Variants in PDZD2 observed in about 807,000 individuals in gnomAD.
PDZD2 encodes the protein PDZ domain-containing protein 2.
PDZD2 carries 90 observed loss-of-function variants against 220.7 expected under a neutral mutation model. The observed-to-expected ratio is 0.41, with a 90% CI of 0.34 to 0.49. The LOEUF is 0.49. PDZD2 is among the 20% of genes least tolerant of loss of function. The pLI, the probability that PDZD2 is intolerant of heterozygous loss-of-function variation, is 0.28. For missense variants in PDZD2, 3,174 were observed against 3,608.5 expected (o/e 0.88, Z 3.08); for synonymous variants, 1,375 against 1,450.5 (o/e 0.95, Z 1.18).
At chr5:31,858,771 T>G (rs189220781) in intron 2 of PDZD2, among the ~76,000 whole-genome samples, 1 of 148,012 alleles carries the variant, frequency 6.8e-6, no homozygotes, top group Non-Finnish European at 1.5e-5. Flanking sequence ...CAGGCTGGAG[T>G]GTAGTGGCAT....
chr5:32,105,846 T>A (rs1355432519), intron 24 of PDZD2, among the ~76,000 whole-genome samples: 1 of 152,212 alleles, frequency 6.6e-6, no homozygotes, highest in Non-Finnish European at 1.5e-5. Flanking sequence ...TAATAGGAAA[T>A]CCAAAATAGC....
chr5:31,705,211 T>C (rs10041301), intron 1 of PDZD2, among the ~76,000 whole-genome samples: 720 of 14,552 alleles, frequency 0.049, 13 homozygotes, highest in African/African-American at 0.28. Context: ...CACACACACA[T>C]ACACACTCAC....
chr5:32,087,997 A>C lies in PDZD2; in HGVS notation c.4549A>C (p.Lys1517Gln). ...TCCCGACAAACATTTTACTGTGAACAAAAACTTTCTGAGCAACTACTCTAG... is the reference window on the plus strand; with the variant it reads ...TCCCGACAAACATTTTACTGTGAACCAAAACTTTCTGAGCAACTACTCTAG... The part of the protein sequence containing the change: ...INPDKHFTVN[K>Q]NFLSNYSRNF... The change falls in exon 20 of 25, where the codon AAA becomes CAA. Residue 1517 changes from lysine to glutamine, a missense_variant. Lys to Gln is a moderately conservative substitution (Grantham distance 53). Coordinates refer to ENST00000438447, the MANE Select transcript of PDZD2 (RefSeq NM_178140.4). The surrounding 1 kb of genome is among the most constrained non-coding windows in gnomAD (Gnocchi z 4.0). 1 of 1,614,226 alleles carries C rather than the reference A, an allele frequency of 6.2e-7. No individual in the cohort carries two copies. The highest frequency in any genetic ancestry group is 8.5e-7 in the Non-Finnish European group (1 of 1,180,026).
At chr5:31,975,792 A>ATTT (rs1561237947) in intron 2 of PDZD2, among the ~76,000 whole-genome samples, 1 of 61,404 alleles carries the variant, frequency 1.6e-5, no homozygotes, top group Non-Finnish European at 3.2e-5. Flanking sequence ...GGTATCAGTC[A>ATTT]CTTTTTTTTT....
chr5:31,764,543 T>A (rs1425790711), intron 1 of PDZD2, among the ~76,000 whole-genome samples: 2 of 152,196 alleles, frequency 1.3e-5, no homozygotes, highest in African/African-American at 4.8e-5. Context: ...TCATCTTCTT[T>A]AGGAGTGTTC....
intron 1 of PDZD2, chr5:31,725,519 G>T: frequency 3.0e-6 from 4 of 1,320,050 alleles, no homozygotes; most frequent in Non-Finnish European, 4.1e-6. Context: ...AATGATCATG[G>T]TTTATACTAC....
intron 1 of PDZD2, among the ~76,000 whole-genome samples, chr5:31,745,593 C>G (rs1256586284): frequency 6.6e-6 from 1 of 152,192 alleles, no homozygotes; most frequent in East Asian, 1.9e-4. Flanking sequence ...TCAATACCAA[C>G]ATGCTCATTA....
intron 1 of PDZD2, among the ~76,000 whole-genome samples, chr5:31,752,088 T>TTTTTTTTTTTTTG (rs1561431820): frequency 7.1e-6 from 1 of 141,022 alleles, no homozygotes; most frequent in Non-Finnish European, 1.5e-5. Context: ...TTTTTTTTTT[T>TTTTTTTTTTTTTG]TTCTGAGACA....
chr5:31,830,975 A>G (rs532120680), intron 2 of PDZD2, among the ~76,000 whole-genome samples: 3 of 152,338 alleles, frequency 2.0e-5, no homozygotes, highest in African/African-American at 7.2e-5. Context: ...GTGGGAAAGC[A>G]AGGGAGGATG....
At chr5:31,963,329 C>A (rs958263667) in intron 2 of PDZD2, among the ~76,000 whole-genome samples, 1 of 152,152 alleles carries the variant, frequency 6.6e-6, no homozygotes, top group African/African-American at 2.4e-5. Context: ...TGATTTTTTC[C>A]TTTTAAAGGA....
chr5:32,067,479 T>C (rs1261212343), intron 14 of PDZD2, among the ~76,000 whole-genome samples: 1 of 152,220 alleles, frequency 6.6e-6, no homozygotes, highest in East Asian at 1.9e-4. Context: ...CATGTATGTG[T>C]ACATGTTTTA....
At chr5:31,710,680 G>T (rs1382355353) in intron 1 of PDZD2, among the ~76,000 whole-genome samples, 2 of 152,154 alleles carry the variant, frequency 1.3e-5, no homozygotes, top group Non-Finnish European at 2.9e-5. Flanking sequence ...AGCTGGATGT[G>T]GTGGCACATG....
chr5:31,957,703 T>C (rs1330119271), intron 2 of PDZD2, among the ~76,000 whole-genome samples: 1 of 152,166 alleles, frequency 6.6e-6, no homozygotes, highest in Non-Finnish European at 1.5e-5. Flanking sequence ...AACCATTGGT[T>C]AGGACAAAAG....
intron 2 of PDZD2, among the ~76,000 whole-genome samples, chr5:31,872,890 C>A (rs1484335934): frequency 1.3e-5 from 2 of 152,106 alleles, no homozygotes; most frequent in Admixed American, 6.6e-5. Flanking sequence ...TACAAAAAAA[C>A]CTGCTAATGG....
chr5:31,865,323 C>T (rs976817457), intron 2 of PDZD2, among the ~76,000 whole-genome samples: 1 of 151,442 alleles, frequency 6.6e-6, no homozygotes, highest in Admixed American at 6.6e-5. Context: ...TTGTTTTTGG[C>T]TTTTTTTGAG....
At chr5:31,957,560 G>A (rs904536870) in intron 2 of PDZD2, among the ~76,000 whole-genome samples, 1 of 152,212 alleles carries the variant, frequency 6.6e-6, no homozygotes, top group African/African-American at 2.4e-5. Context: ...TGGATGTTAT[G>A]ACCCAGATAT....
At chr5:31,866,730 A>G (rs1738265162) in intron 2 of PDZD2, among the ~76,000 whole-genome samples, 1 of 152,162 alleles carries the variant, frequency 6.6e-6, no homozygotes, top group East Asian at 1.9e-4. Context: ...TCTAGTCTGT[A>G]TGCGGGTATC....
intron 1 of PDZD2, among the ~76,000 whole-genome samples, chr5:31,691,087 T>A (rs1010655791): frequency 1.3e-5 from 2 of 152,112 alleles, no homozygotes; most frequent in African/African-American, 4.8e-5. Flanking sequence ...TCATGGTGAG[T>A]GTTACAGTTC....
At chr5:31,800,812 G>A (rs1580783211) in intron 2 of PDZD2, among the ~76,000 whole-genome samples, 1 of 152,184 alleles carries the variant, frequency 6.6e-6, no homozygotes, top group Non-Finnish European at 1.5e-5. Flanking sequence ...GGGCTCCTGG[G>A]AGTAAGGCTC....
Sources: allele counts gnomAD v4.1 joint callset (sites outside exome capture counted in the v4.1 genomes callset), GRCh38; gene constraint gnomAD v4.1.1; non-coding constraint Gnocchi (gnomAD v3.1); transcripts MANE v1.5; gene names NCBI Gene and HGNC (gene_info 2026-07-23, HGNC 2026-07-21).